The following GPR55 variants were observed in gnomAD, a reference collection of about 807,000 sequenced individuals.
GPR55 encodes G protein-coupled receptor 55, also known as G-protein coupled receptor 55.
A neutral mutation model predicts 7.9 loss-of-function variants in GPR55; 6 were observed. That is an observed-to-expected ratio of 0.76 (90% CI 0.41 to 1.49). The LOEUF is 1.49. Ranked by LOEUF, GPR55 falls within the 40% of genes most tolerant of loss-of-function variation. GPR55 has a pLI of 0.01. For synonymous variants in GPR55, 183 were observed against 166.8 expected (o/e 1.10, Z -0.75); for missense variants, 376 against 406.0 (o/e 0.93, Z 0.63).
chr2:230,939,019 A>T (rs1369336507), intron 1 of GPR55, among the ~76,000 whole-genome samples: 1 of 152,216 alleles, frequency 6.6e-6, no homozygotes, highest in Non-Finnish European at 1.5e-5. Flanking sequence ...TCTAGCACAG[A>T]GGGCTCCTGC....
chr2:230,913,042 C>G (rs759653678), intron 1 of GPR55, among the ~76,000 whole-genome samples: 1 of 152,188 alleles, frequency 6.6e-6, no homozygotes. Context: ...GAGCCCCTGT[C>G]CCTTGCTTTT....
chr2:230,910,620 T>G lies in GPR55; in HGVS notation c.343A>C (p.Ile115Leu). The change falls in exon 2 of 2, where the codon ATC becomes CTC. Residue 115 changes from isoleucine (I) to leucine (L), a missense_variant. By Grantham distance (5) the Ile-to-Leu change is conservative (BLOSUM62 2). Coordinates refer to ENST00000650999, the MANE Select transcript of GPR55 (RefSeq NM_005683.4). The surrounding 1 kb of genome is among the most constrained non-coding windows in gnomAD (Gnocchi z 5.4). ...ATGGCCAAGAACCGGTCCATGCTGATGAAGCAGATGGTGAAGACGCTTCCG... is the reference window on the plus strand; with the variant it reads ...ATGGCCAAGAACCGGTCCATGCTGAGGAAGCAGATGGTGAAGACGCTTCCG... The part of the protein sequence containing the change: ...MYGSVFTICF[I>L]SMDRFLAIRY... 6.2e-7 allele frequency: 1 copy of G among 1,613,942 alleles called. No individual in the cohort carries two copies. Among genetic ancestry groups the G allele is most frequent in the Non-Finnish European group, 8.5e-7 (1 of 1,180,006 alleles).
At chr2:230,946,792 C>T (rs778350230) in intron 1 of GPR55, among the ~76,000 whole-genome samples, 1 of 152,150 alleles carries the variant, frequency 6.6e-6, no homozygotes, top group South Asian at 2.1e-4. Context: ...CAGGCCCAGC[C>T]CATCAGACCT....
rs1372568715 is a variant in GPR55 at position 230,923,719 on chromosome 2, A to T, written c.-135+1449T>A. Reference sequence around the variant, plus strand: ...AGGACACTCCTAGGAGATTGCCCTAATTATGCCCATTTTACAGATAAGGAC... The same window carrying T: ...AGGACACTCCTAGGAGATTGCCCTATTTATGCCCATTTTACAGATAAGGAC... On this transcript the variant is annotated intron_variant, in intron 1 of 1. Transcript: ENST00000650999. The surrounding 1 kb of genome is among the most constrained non-coding windows in gnomAD (Gnocchi z 4.1). 1.3e-5 allele frequency among the ~76,000 whole-genome samples: 2 copies of T among 152,126 alleles called. No individual in the cohort carries two copies. Among genetic ancestry groups the T allele is most frequent in the East Asian group, 3.9e-4 (2 of 5,180 alleles).
At position 230,923,487 on chromosome 2, in the gene GPR55, CTG is replaced by C. The variant is rs765908456; in HGVS notation, c.-135+1679_-135+1680del. Among the ~76,000 whole-genome samples, 5 of 152,228 alleles carry C rather than the reference CTG, an allele frequency of 3.3e-5. No homozygotes were observed. The highest frequency in any genetic ancestry group is 5.9e-5 in the Non-Finnish European group (4 of 68,046). On this transcript the variant is annotated intron_variant, in intron 1 of 1. Transcript: ENST00000650999. The surrounding 1 kb of genome is among the most constrained non-coding windows in gnomAD (Gnocchi z 4.1). ...CCATAGTGTGAATAAAGTCATCCGCCTGTGCCTGAGCTGGGCTTCTGGGGGCC... is the reference window on the plus strand; with the variant it reads ...CCATAGTGTGAATAAAGTCATCCGCCTGCCTGAGCTGGGCTTCTGGGGGCC...
Position 230,910,410 on chromosome 2 carries a change from G to C in GPR55, c.553C>G (p.Leu185Val), listed in dbSNP as rs1690560469. 6.2e-7 allele frequency: 1 copy of C among 1,613,892 alleles called. No homozygotes were observed. Among genetic ancestry groups the C allele is most frequent in the African/African-American group, 1.3e-5 (1 of 74,912 alleles). ...GGAAGGAGGAAGCCAAACACCTCCA[G>C]CGGGAAGAAGACCTTGGCGCTCCAG... is the stretch of plus-strand genomic sequence containing the variant. ...DTWSAKVFFP[L>V]EVFGFLLPMG... is the part of the protein sequence containing the mutation. Residue 185 changes from leucine (L) to valine (V), a missense_variant, in exon 2 of 2, where the codon CTG (leucine) becomes GTG (valine). Transcript: ENST00000650999. The surrounding 1 kb of genome is among the most constrained non-coding windows in gnomAD (Gnocchi z 5.4).
chr2:230,910,665 G>T lies in GPR55; in HGVS notation c.298C>A (p.Leu100Ile). ...CTTCCGTACATGCTGACGAAGTAAA[G>T]GCACTCCACCAGGGTGCACAGGGAC... ...FPSLCTLVEC[L>I]YFVSMYGSVF... Residue 100 changes from leucine to isoleucine, a missense_variant, in exon 2 of 2, where the codon CTT becomes ATT. Coordinates refer to ENST00000650999, the MANE Select transcript of GPR55 (RefSeq NM_005683.4). This position sits in a 1 kb window ranked among gnomAD's most constrained non-coding sequence, Gnocchi z 5.4. The T allele has an allele frequency of 1.2e-6, 2 of 1,613,642 alleles. No homozygotes were observed. The highest frequency in any genetic ancestry group is 1.7e-6 in the Non-Finnish European group (2 of 1,179,736).
chr2:230,948,485 C>T (rs1691352350), intron 1 of GPR55, among the ~76,000 whole-genome samples: 1 of 152,164 alleles, frequency 6.6e-6, no homozygotes. Context: ...AAAAATTCTC[C>T]CATAGTCCCT....
intron 1 of GPR55, among the ~76,000 whole-genome samples, chr2:230,930,553 C>T (rs1311214674): frequency 1.3e-5 from 2 of 151,674 alleles, no homozygotes; most frequent in African/African-American, 2.4e-5. Flanking sequence ...TGGGCTAAAG[C>T]GATCCTCCCA....
At chr2:230,925,854 C>T (rs971364317), upstream of GPR55, among the ~76,000 whole-genome samples, 1 of 152,130 alleles carries the variant, frequency 6.6e-6, no homozygotes, top group South Asian at 2.1e-4. Flanking sequence ...TTTGGGGCAG[C>T]CTTGGGCCTG....
chr2:230,937,782 T>C (rs1691156264), intron 1 of GPR55, among the ~76,000 whole-genome samples: 1 of 152,120 alleles, frequency 6.6e-6, no homozygotes, highest in Non-Finnish European at 1.5e-5. Context: ...TTTATGCTAA[T>C]TTCTGCAAAC....
chr2:230,908,538 C>G lies in GPR55; in HGVS notation c.*1465G>C, dbSNP rs1559167666. ...TCTTCCTCTTCCTCCTCCTCCTCCC[C>G]ACAGGTCCAGGTTTATCCAAATGCT... On this transcript the variant is annotated 3_prime_UTR_variant, in exon 2 of 2. Transcript: ENST00000650999. 6.4e-6 allele frequency: 1 copy of G among 155,996 alleles called. No individual in the cohort carries two copies. The highest frequency in any genetic ancestry group is 1.4e-5 in the Non-Finnish European group (1 of 70,362). 9.7% of individuals were successfully genotyped at this position (155,996 alleles called of 1,614,324 possible).
chr2:230,938,285 A>C (rs931774828), intron 1 of GPR55, among the ~76,000 whole-genome samples: 105 of 151,862 alleles, frequency 6.9e-4, no homozygotes, highest in African/African-American at 2.4e-3. Context: ...TGAGGCCATC[A>C]GAGTGGGCTT....
chr2:230,924,127 C>T lies in GPR55; in HGVS notation c.-135+1041G>A, dbSNP rs551055640. Among the ~76,000 whole-genome samples, 1 of 152,170 alleles carries T rather than the reference C, an allele frequency of 6.6e-6. No homozygotes were observed. Among genetic ancestry groups the T allele is most frequent in the Admixed American group, 6.5e-5 (1 of 15,282 alleles). On this transcript the variant is annotated intron_variant, in intron 1 of 1. Transcript: ENST00000650999. The surrounding 1 kb of genome is among the most constrained non-coding windows in gnomAD (Gnocchi z 4.5). ...GCAACCCCAGGACCAGGACCATGTCCCTTTCACCTTTATCACCGAGCCTCA... is the reference window on the plus strand; with the variant it reads ...GCAACCCCAGGACCAGGACCATGTCTCTTTCACCTTTATCACCGAGCCTCA...
intron 1 of GPR55, among the ~76,000 whole-genome samples, chr2:230,937,278 A>G (rs1262152571): frequency 6.6e-6 from 1 of 151,440 alleles, no homozygotes; most frequent in East Asian, 1.9e-4. Flanking sequence ...GGTGGTGCAC[A>G]CTTGTGGTCC....
intron 1 of GPR55, among the ~76,000 whole-genome samples, chr2:230,920,490 T>TA (rs999957487): frequency 3.4e-4 from 51 of 151,220 alleles, no homozygotes; most frequent in Non-Finnish European, 5.6e-4. Context: ...ATGATTTTTT[T>TA]AAAAAAAAAT....
rs1434458648 is a variant in GPR55, at chr2:230,910,547, A to T, written c.416T>A (p.Phe139Tyr). Residue 139 changes from phenylalanine (F) to tyrosine (Y), a missense_variant, in exon 2 of 2, where the codon TTT becomes TAT. Physicochemically the swap from Phe to Tyr is conservative, Grantham distance 22. Coordinates refer to ENST00000650999, the MANE Select transcript of GPR55 (RefSeq NM_005683.4). The surrounding 1 kb of genome is among the most constrained non-coding windows in gnomAD (Gnocchi z 5.4). ...VSHLRSPRKI[F>Y]GICCTIWVLV... ...GACCCAGATGGTGCAGCAGATCCCA[A>T]AGATCTTCCTGGGGGACCGGAGGTG... The T allele has an allele frequency of 6.2e-7, 1 of 1,614,024 alleles. No individual in the cohort carries two copies. The highest frequency in any genetic ancestry group is 1.1e-5 in the South Asian group (1 of 91,068).
intron 1 of GPR55, among the ~76,000 whole-genome samples, chr2:230,935,406 C>G (rs1691118107): frequency 6.6e-6 from 1 of 152,148 alleles, no homozygotes; most frequent in Non-Finnish European, 1.5e-5. Flanking sequence ...CCTTCTGAAG[C>G]TCCTAGGGGG....
chr2:230,922,269 G>A (rs1690855286), intron 1 of GPR55, among the ~76,000 whole-genome samples: 1 of 152,188 alleles, frequency 6.6e-6, no homozygotes, highest in African/African-American at 2.4e-5. Context: ...GGAGCACAGA[G>A]GCCTTGCTTC....
Sources: gnomAD v4.1 joint callset for allele counts (sites outside exome capture counted in the v4.1 genomes callset) on GRCh38, gnomAD v4.1.1 for gene constraint, Gnocchi (gnomAD v3.1) non-coding constraint, MANE v1.5 for transcripts, NCBI Gene and HGNC (gene_info 2026-07-23, HGNC 2026-07-21) for gene names.